The following EBF4 variants were observed in gnomAD, a reference collection of about 807,000 sequenced individuals.
The protein encoded by EBF4 is EBF transcription factor 4.
In EBF4, 34 loss-of-function variants were observed where a neutral mutation model predicts 67.1. The ratio of observed to expected loss-of-function variants is 0.51; its 90% confidence interval spans 0.39 to 0.67. EBF4 has a LOEUF of 0.67. Among genes scored for constraint, EBF4 ranks in the 30% least tolerant of loss-of-function variants. The pLI, the probability that EBF4 is intolerant of heterozygous loss-of-function variation, is 0.00. For synonymous variants in EBF4, 387 were observed against 377.7 expected (o/e 1.02, Z -0.29); for missense variants, 837 against 873.3 (o/e 0.96, Z 0.52).
At position 2,751,597 on chromosome 20, in the gene EBF4, G is replaced by C; in HGVS notation, c.1019-103G>C. On this transcript the variant is annotated intron_variant, in intron 10 of 16. Transcript: ENST00000609451. The surrounding 1 kb of genome is among the most constrained non-coding windows in gnomAD (Gnocchi z 5.2). ...GGCCTGGTGGAGGGGGCTGCAGCGAGGCTCTCGGACTGGGCGCTGGCCTGC... is the reference window on the plus strand; with the variant it reads ...GGCCTGGTGGAGGGGGCTGCAGCGACGCTCTCGGACTGGGCGCTGGCCTGC... 8.3e-7 allele frequency: 1 copy of C among 1,200,096 alleles called. No individual in the cohort carries two copies. The allele number at this position is 1,200,096 out of a possible 1,614,324, so 74.3% of individuals were successfully genotyped here. A position where few individuals can be genotyped will look rare whatever the true frequency, so the allele number is the denominator to read the frequency against.
chr20:2,758,898 G>A lies in EBF4; in HGVS notation c.1739-11G>A, dbSNP rs770370912. 8.2e-5 allele frequency: 127 copies of A among 1,551,472 alleles called. No homozygotes were observed. Among genetic ancestry groups the A allele is most frequent in the Non-Finnish European group, 1.1e-4 (124 of 1,146,938 alleles). On this transcript the variant is annotated splice_polypyrimidine_tract_variant and intron_variant, in intron 15 of 16. Transcript: ENST00000609451. Reference sequence around the variant, plus strand: ...CATGGCTTATGGCTCCTTTTTCCTTGACTACTGCAGACCAGTCTTTTGAGG... The same window carrying A: ...CATGGCTTATGGCTCCTTTTTCCTTAACTACTGCAGACCAGTCTTTTGAGG...
rs1031663950 is a variant in EBF4 at position 2,756,984 on chromosome 20, G to T, written c.1738+1160G>T. On this transcript the variant is annotated intron_variant, in intron 15 of 16. Transcript: ENST00000609451. The surrounding 1 kb of genome is among the most constrained non-coding windows in gnomAD (Gnocchi z 4.5). ...AGTTCCTGGGGAATGACCTTGAGAT[G>T]CAGGAAGAGACACCCTCATGGTTTC... Among the ~76,000 whole-genome samples, 1 of 152,230 alleles carries T rather than the reference G, an allele frequency of 6.6e-6. No individual in the cohort carries two copies. Among genetic ancestry groups the T allele is most frequent in the Non-Finnish European group, 1.5e-5 (1 of 68,040 alleles).
At chr20:2,746,639 A>G (rs549445639) in intron 6 of EBF4, among the ~76,000 whole-genome samples, 3 of 152,266 alleles carry the variant, frequency 2.0e-5, no homozygotes, top group South Asian at 4.1e-4. Context: ...CTCTGAACAG[A>G]AATTTAATGT....
chr20:2,730,348 T>C (rs2146444481), intron 6 of EBF4, among the ~76,000 whole-genome samples: 1 of 152,288 alleles, frequency 6.6e-6, no homozygotes, highest in Non-Finnish European at 1.5e-5. Context: ...TGCCTTCATC[T>C]TCACAGTGCC....
chr20:2,748,232 T>C (rs949524328), intron 6 of EBF4, among the ~76,000 whole-genome samples: 1 of 152,152 alleles, frequency 6.6e-6, no homozygotes, highest in African/African-American at 2.4e-5. Flanking sequence ...GTAGTGTATA[T>C]AATGGACTTA....
intron 6 of EBF4, among the ~76,000 whole-genome samples, chr20:2,744,078 T>A (rs1377697891): frequency 4.8e-5 from 3 of 62,568 alleles, no homozygotes; most frequent in African/African-American, 3.8e-4. Flanking sequence ...TTTATTTATT[T>A]TTTTTATTTT....
chr20:2,746,531 C>T (rs974218694), intron 6 of EBF4, among the ~76,000 whole-genome samples: 2 of 152,162 alleles, frequency 1.3e-5, no homozygotes, highest in African/African-American at 4.8e-5. Context: ...GGGCTGCCTG[C>T]TGGGGACACC....
At chr20:2,753,830 C>T (rs1444836675) in intron 14 of EBF4, among the ~76,000 whole-genome samples, 1 of 152,232 alleles carries the variant, frequency 6.6e-6, no homozygotes, top group Admixed American at 6.5e-5. Flanking sequence ...AGCCAGAGTC[C>T]ACATAGGCCA....
At position 2,696,792 on chromosome 20, in the gene EBF4, C is replaced by G. The variant is rs113419530; in HGVS notation, c.137+3010C>G. Among the ~76,000 whole-genome samples the G allele has an allele frequency of 0.016, 2,374 of 152,308 alleles. 70 individuals carry two copies. The highest frequency in any genetic ancestry group is 0.054 in the African/African-American group (2,244 of 41,572). On this transcript the variant is annotated intron_variant, in intron 1 of 16. Coordinates refer to ENST00000609451, the Ensembl canonical transcript of EBF4. This position sits in a 1 kb window ranked among gnomAD's most constrained non-coding sequence, Gnocchi z 4.7. ...AACTGCTCTTTCTGTGCCCTCCCAC[C>G]CTGCCCACGGGAGTGGCTTTAATGC...
At chr20:2,705,140 G>C (rs2087432526) in intron 1 of EBF4, among the ~76,000 whole-genome samples, 1 of 152,254 alleles carries the variant, frequency 6.6e-6, no homozygotes, top group African/African-American at 2.4e-5. Flanking sequence ...GACAGCCTCA[G>C]CCTGGGCTGG....
chr20:2,729,183 CAA>C (rs148104241), intron 6 of EBF4, among the ~76,000 whole-genome samples: 1 of 144,532 alleles, frequency 6.9e-6, no homozygotes, highest in Non-Finnish European at 1.5e-5. Context: ...TCCATGGCAC[CAA>C]AAAAAAAAGG....
rs924476013 is a variant in EBF4 at position 2,756,113 on chromosome 20, C to T, written c.1738+289C>T. Among the ~76,000 whole-genome samples, 2 of 152,168 alleles carry T rather than the reference C, an allele frequency of 1.3e-5. No individual in the cohort carries two copies. Among genetic ancestry groups the T allele is most frequent in the African/African-American group, 4.8e-5 (2 of 41,432 alleles). ...AGTTGATGAGGTCTAGAAACTACCCCAACACTCCATCCCCATCCAGCTGAG... is the reference window on the plus strand; with the variant it reads ...AGTTGATGAGGTCTAGAAACTACCCTAACACTCCATCCCCATCCAGCTGAG... On this transcript the variant is annotated intron_variant, in intron 15 of 16. Coordinates refer to ENST00000609451, the Ensembl canonical transcript of EBF4. This position sits in a 1 kb window ranked among gnomAD's most constrained non-coding sequence, Gnocchi z 4.5.
rs202216825 is a variant in EBF4, at chr20:2,733,815, G to GA, written c.558-14719dup. Among the ~76,000 whole-genome samples the GA allele has an allele frequency of 4.7e-3, 503 of 106,644 alleles. 1 individual carries two copies. The highest frequency in any genetic ancestry group is 0.013 in the African/African-American group (378 of 29,230). 70.0% of individuals were successfully genotyped at this position (106,644 alleles called of 152,430 possible). A position where few individuals can be genotyped will look rare whatever the true frequency, so the allele number is the denominator to read the frequency against. ...CATTAATACTAGCGATAGCTGATGA[G>GA]AAAAAAAAAAAAAAAGCAAAAACAT... is the stretch of plus-strand genomic sequence containing the variant. On this transcript the variant is annotated intron_variant, in intron 6 of 16. Transcript: ENST00000609451.
At chr20:2,728,434 C>T (rs987055425) in intron 6 of EBF4, among the ~76,000 whole-genome samples, 6 of 152,128 alleles carry the variant, frequency 3.9e-5, no homozygotes, top group African/African-American at 1.2e-4. Flanking sequence ...AGGGTCTTCT[C>T]CCTTTCTTCA....
At chr20:2,737,015 C>CG (rs2087889461) in intron 6 of EBF4, among the ~76,000 whole-genome samples, 1 of 151,870 alleles carries the variant, frequency 6.6e-6, no homozygotes, top group African/African-American at 2.4e-5. Flanking sequence ...TTTGGGAGGC[C>CG]AAGGTGGGCA....
At chr20:2,744,459 G>A (rs1337061162) in intron 6 of EBF4, among the ~76,000 whole-genome samples, 1 of 146,502 alleles carries the variant, frequency 6.8e-6, no homozygotes, top group East Asian at 2.0e-4. Flanking sequence ...ATGTAAATAT[G>A]CTTTTTTCTT....
At chr20:2,711,439 C>T (rs980198288) in intron 6 of EBF4, among the ~76,000 whole-genome samples, 2 of 152,114 alleles carry the variant, frequency 1.3e-5, no homozygotes, top group African/African-American at 4.8e-5. Context: ...TGTGCCATTT[C>T]ACACGTGTAA....
At chr20:2,752,294 G>T in intron 13 of EBF4, 31 bp downstream of exon 13, 1 of 1,209,552 alleles carries the variant, frequency 8.3e-7, no homozygotes, top group African/African-American at 1.6e-5. Context: ...CGCCGTCCTC[G>T]GGCGCCGCCA....
chr20:2,749,522 A>G lies in EBF4; in HGVS notation c.757+4A>G. The G allele has an allele frequency of 6.5e-7, 1 of 1,544,776 alleles. No homozygotes were observed. The highest frequency in any genetic ancestry group is 8.7e-7 in the Non-Finnish European group (1 of 1,143,716). The stretch of plus-strand genomic sequence containing the variant: ...CGCCGCCTGGACCCCTCCGAAGGTC[A>G]GGACCCCCGGCCCAGCCCCGGCCGC... On this transcript the variant is annotated splice_donor_region_variant and intron_variant, in intron 8 of 16. Transcript: ENST00000609451.
Sources: allele counts gnomAD v4.1 joint callset (sites outside exome capture counted in the v4.1 genomes callset), GRCh38; gene constraint gnomAD v4.1.1; non-coding constraint Gnocchi (gnomAD v3.1); transcripts MANE v1.5; gene names NCBI Gene and HGNC (gene_info 2026-07-23, HGNC 2026-07-21).